Variants in DGLUCY observed in about 807,000 individuals in gnomAD.
DGLUCY encodes the protein D-glutamate cyclase, mitochondrial.
A neutral mutation model predicts 58.5 loss-of-function variants in DGLUCY; 58 were observed. That is an observed-to-expected ratio of 0.99 (90% confidence interval 0.80 to 1.23). The LOEUF (loss-of-function observed/expected upper bound fraction) is 1.23, where lower values mean the gene tolerates loss of function less well. Among genes scored for constraint, DGLUCY ranks in the 50% most tolerant of loss-of-function variants. The pLI is 0.00. For synonymous variants in DGLUCY, 325 were observed against 314.1 expected, an observed-to-expected ratio of 1.03 and a Z score of -0.37; for missense variants, 779 against 784.7, an observed-to-expected ratio of 0.99 and a Z score of 0.09.
chr14:91,175,983 GGT>G lies in DGLUCY; in HGVS notation c.662_663del (p.Cys221SerfsTer23). On this transcript the variant is annotated frameshift_variant, in exon 7 of 14. Transcript: ENST00000256324. LOFTEE classifies it high-confidence loss of function. ...CCAAACCTGCCTACGGGGATGCCAT[GGT>G]GTGTCCCCCAGGGGAGGTTCCAGTG... is the stretch of plus-strand genomic sequence containing the variant. ...LSKPAYGDAM[V>X]CPPGEVPVFW... The G allele has an allele frequency of 6.2e-7, 1 of 1,614,084 alleles. No homozygotes were observed. Among genetic ancestry groups the G allele is most frequent in the Non-Finnish European group, 8.5e-7 (1 of 1,179,960 alleles).
intron 1 of DGLUCY, among the ~76,000 whole-genome samples, chr14:91,077,115 G>T (rs1173007948): frequency 6.6e-6 from 1 of 151,980 alleles, no homozygotes; most frequent in Non-Finnish European, 1.5e-5. Context: ...GTGGTGGTGT[G>T]TGTGCCTGTG....
At chr14:91,131,254 T>C (rs935716544) in intron 1 of DGLUCY, among the ~76,000 whole-genome samples, 22 of 152,238 alleles carry the variant, frequency 1.4e-4, no homozygotes, top group African/African-American at 4.8e-4. Context: ...CTCAGTGTTA[T>C]ATGCTTGTAT....
intron 1 of DGLUCY, among the ~76,000 whole-genome samples, chr14:91,084,136 AG>A (rs1274270779): frequency 1.3e-5 from 2 of 151,328 alleles, no homozygotes; most frequent in Admixed American, 6.6e-5. Flanking sequence ...CCAAGGCCTG[AG>A]CTCCTGGATG....
At position 91,155,908 on chromosome 14, in the gene DGLUCY, G is replaced by A. The variant is rs185556771; in HGVS notation, c.-81-1731G>A. Among the ~76,000 whole-genome samples, 442 of 151,886 alleles carry A rather than the reference G, an allele frequency of 2.9e-3. 3 individuals carry two copies. Among genetic ancestry groups the A allele is most frequent in the African/African-American group, 0.01 (424 of 41,438 alleles). ...GCGCCATTCACATAAAATGTAGTGC[G>A]ACAGCCACTCCTGCTCAGGCCCCAG... On this transcript the variant is annotated intron_variant, in intron 1 of 13. Transcript: ENST00000256324.
chr14:91,211,957 T>C (rs1335600651), intron 12 of DGLUCY, among the ~76,000 whole-genome samples: 1 of 152,064 alleles, frequency 6.6e-6, no homozygotes, highest in Non-Finnish European at 1.5e-5. Context: ...CACGCCAACA[T>C]GCCTGGCTAA....
intron 1 of DGLUCY, among the ~76,000 whole-genome samples, chr14:91,130,401 G>A (rs966835857): frequency 1.3e-5 from 2 of 151,426 alleles, no homozygotes; most frequent in African/African-American, 4.9e-5. Context: ...TCCGCCTCCT[G>A]GGTTCAAGCC....
At position 91,170,855 on chromosome 14, in the gene DGLUCY, A is replaced by C. The variant is rs541495481; in HGVS notation, c.456+654A>C. ...CAGCCAGCATAAACAGCCAGGCTCC[A>C]GGTTTCTTTATTTATGGAGGACTTG... On this transcript the variant is annotated intron_variant, in intron 5 of 13. Coordinates refer to ENST00000256324, the MANE Select transcript of DGLUCY (RefSeq NM_001102368.3). Among the ~76,000 whole-genome samples the C allele has an allele frequency of 2.0e-5, 3 of 152,310 alleles. No homozygotes were observed. The East Asian group carries it at 5.8e-4, about 29-fold the overall frequency.
intron 12 of DGLUCY, 146 bp from the exon 13 acceptor site, chr14:91,215,259 G>T: frequency 2.9e-6 from 4 of 1,367,790 alleles, no homozygotes; most frequent in East Asian, 2.5e-5. Flanking sequence ...TGGGGCCAAA[G>T]AATTTGTGTT....
At chr14:91,160,064 G>T (rs1431033188) in intron 2 of DGLUCY, among the ~76,000 whole-genome samples, 1 of 152,198 alleles carries the variant, frequency 6.6e-6, no homozygotes, top group South Asian at 2.1e-4. Flanking sequence ...GCACAGGGAA[G>T]TTTGCGTTAG....
upstream of DGLUCY, among the ~76,000 whole-genome samples, chr14:91,104,064 T>TTTTTTTTTTTC (rs534315777): frequency 0.15 from 16,923 of 113,860 alleles, 1,509 homozygotes; most frequent in Non-Finnish European, 0.2. Context: ...AAACATTCTT[T>TTTTTTTTTTTC]TTTTTTTTTT....
chr14:91,200,524 A>G (rs1002065340), intron 11 of DGLUCY, among the ~76,000 whole-genome samples: 4 of 152,340 alleles, frequency 2.6e-5, no homozygotes, highest in Admixed American at 6.5e-5. Flanking sequence ...AGAATGTACC[A>G]TATATTATTT....
chr14:91,060,557 G>A (rs977847205), exon 1 of DGLUCY: 36 of 1,160,724 alleles, frequency 3.1e-5, no homozygotes, highest in Admixed American at 2.2e-4. Context: ...CCAGAACTCG[G>A]ACGCAAAGAC....
At chr14:91,135,738 C>T (rs192321160) in intron 1 of DGLUCY, among the ~76,000 whole-genome samples, 196 of 143,882 alleles carry the variant, frequency 1.4e-3, no homozygotes, top group African/African-American at 4.6e-3. Context: ...TTATCAACTT[C>T]TAGTTCAAAT....
At chr14:91,090,054 T>G (rs560764453) in intron 1 of DGLUCY, among the ~76,000 whole-genome samples, 2 of 152,128 alleles carry the variant, frequency 1.3e-5, no homozygotes, top group Non-Finnish European at 2.9e-5. Flanking sequence ...AGTGGGGCCC[T>G]GACGAAGGAG....
chr14:91,135,547 G>T (rs1165824193), intron 1 of DGLUCY, among the ~76,000 whole-genome samples: 1 of 151,636 alleles, frequency 6.6e-6, no homozygotes, highest in Admixed American at 6.6e-5. Context: ...CTACTCGGGA[G>T]GCTGAGGCAG....
intron 7 of DGLUCY, 91 bp from the exon 8 acceptor site, chr14:91,181,095 G>T (rs1204850563): frequency 1.6e-6 from 2 of 1,232,024 alleles, no homozygotes; most frequent in Non-Finnish European, 2.3e-6. Context: ...TGATGGCCAG[G>T]TGCCATCTTG....
At chr14:91,076,563 C>T (rs1364412720) in intron 1 of DGLUCY, among the ~76,000 whole-genome samples, 2 of 151,944 alleles carry the variant, frequency 1.3e-5, no homozygotes, top group African/African-American at 4.8e-5. Flanking sequence ...TTGAGTGTTC[C>T]AATAGGAACC....
chr14:91,186,252 C>T (rs184405476), intron 8 of DGLUCY, among the ~76,000 whole-genome samples: 3 of 152,002 alleles, frequency 2.0e-5, no homozygotes, highest in South Asian at 4.2e-4. Flanking sequence ...TTCTCCTCGC[C>T]CCCCCTTTTT....
At chr14:91,184,298 T>A (rs1435831917) in intron 8 of DGLUCY, among the ~76,000 whole-genome samples, 1 of 151,428 alleles carries the variant, frequency 6.6e-6, no homozygotes, top group Non-Finnish European at 1.5e-5. Context: ...AATACCTAAT[T>A]CTTGGGAGGC....
Sources: allele counts gnomAD v4.1 joint callset (sites outside exome capture counted in the v4.1 genomes callset), GRCh38; gene constraint gnomAD v4.1.1; transcripts MANE v1.5; gene names NCBI Gene and HGNC (gene_info 2026-07-23, HGNC 2026-07-21).